Variants in MCTP1 observed in about 807,000 individuals in gnomAD.
The protein encoded by MCTP1 is multiple C2 and transmembrane domain containing 1.
A neutral mutation model predicts 120.6 loss-of-function variants in MCTP1; 69 were observed. That is an observed-to-expected ratio of 0.57 (90% CI 0.47 to 0.70). The LOEUF (loss-of-function observed/expected upper bound fraction) is 0.70, where lower values mean the gene tolerates loss of function less well. Ranked by LOEUF, MCTP1 falls within the 30% of genes least tolerant of loss-of-function variation. MCTP1 has a pLI of 0.00. For missense variants in MCTP1, 1,203 were observed against 1,248.8 expected, an observed-to-expected ratio of 0.96 and a Z score of 0.55; for synonymous variants, 529 against 493.1, an observed-to-expected ratio of 1.07 and a Z score of -0.96.
chr5:94,808,844 G>A (rs4143487), intron 17 of MCTP1, among the ~76,000 whole-genome samples: 32,801 of 151,934 alleles, frequency 0.22, 4,020 homozygotes, highest in African/African-American at 0.32. Flanking sequence ...TTATTTATTG[G>A]TGGTGTTGAA....
Position 95,061,407 on chromosome 5 carries a change from G to GGTTGTTTT in MCTP1, c.721-43924_721-43923insAAAACAAC, listed in dbSNP as rs749862250. Among the ~76,000 whole-genome samples, 8 of 67,882 alleles carry GGTTGTTTT rather than the reference G, an allele frequency of 1.2e-4. No individual in the cohort carries two copies. In the East Asian group the frequency reaches 2.5e-3, roughly 21 times the overall value. 44.5% of individuals were successfully genotyped at this position (67,882 alleles called of 152,430 possible). Reference sequence around the variant, plus strand: ...TATCAATTTTCACAAACCCCTTAAGGGTTTTTTTTTTTTTTTTTTTTTTTT... The same window carrying GGTTGTTTT: ...TATCAATTTTCACAAACCCCTTAAGGGTTGTTTTGTTTTTTTTTTTTTTTTTTTTTTTT... On this transcript the variant is annotated intron_variant, in intron 1 of 22. Transcript: ENST00000515393.
chr5:94,797,545 G>T (rs904753231), intron 18 of MCTP1, among the ~76,000 whole-genome samples: 2 of 152,120 alleles, frequency 1.3e-5, no homozygotes, highest in Non-Finnish European at 2.9e-5. Flanking sequence ...TTTAGGGCTT[G>T]TCTCTTAGTG....
At chr5:95,044,479 G>A (rs1003321611) in intron 1 of MCTP1, among the ~76,000 whole-genome samples, 2 of 152,118 alleles carry the variant, frequency 1.3e-5, no homozygotes, top group African/African-American at 2.4e-5. Context: ...TAGATCAATT[G>A]AGTAGATCAA....
chr5:94,892,540 C>T (rs1319599935), intron 11 of MCTP1, among the ~76,000 whole-genome samples: 1 of 152,138 alleles, frequency 6.6e-6, no homozygotes, highest in Non-Finnish European at 1.5e-5. Context: ...TGGAATTAGC[C>T]ATCTTCTCAG....
intron 17 of MCTP1, among the ~76,000 whole-genome samples, chr5:94,847,366 T>A (rs765944375): frequency 2.4e-4 from 37 of 152,158 alleles, no homozygotes; most frequent in Non-Finnish European, 3.4e-4. Context: ...AAAGTTGATC[T>A]TCCTATGCAG....
At chr5:94,803,803 G>T (rs1781697976) in intron 17 of MCTP1, among the ~76,000 whole-genome samples, 1 of 152,114 alleles carries the variant, frequency 6.6e-6, no homozygotes, top group Non-Finnish European at 1.5e-5. Flanking sequence ...TTTAATTTGT[G>T]GTGACTGAGT....
chr5:94,888,493 C>A (rs915567265), intron 12 of MCTP1, among the ~76,000 whole-genome samples: 10 of 152,056 alleles, frequency 6.6e-5, no homozygotes, highest in African/African-American at 2.2e-4. Context: ...AAATTTTCAG[C>A]AAAATGTGCA....
At chr5:94,999,016 C>T (rs1468982408) in intron 2 of MCTP1, among the ~76,000 whole-genome samples, 1 of 152,122 alleles carries the variant, frequency 6.6e-6, no homozygotes, top group Non-Finnish European at 1.5e-5. Context: ...AAGTTTTGTC[C>T]CTCTTCCTTC....
chr5:95,017,683 G>C (rs1489649773), intron 1 of MCTP1, among the ~76,000 whole-genome samples, 199 bp from the exon 2 acceptor site: 2 of 152,012 alleles, frequency 1.3e-5, no homozygotes, highest in Non-Finnish European at 2.9e-5. Flanking sequence ...TCAAAAACAT[G>C]GCAGTTACAG....
intron 12 of MCTP1, among the ~76,000 whole-genome samples, chr5:94,874,664 T>G (rs1380603561): frequency 6.6e-6 from 1 of 152,090 alleles, no homozygotes; most frequent in African/African-American, 2.4e-5. Context: ...TCCAATCGTC[T>G]TTATCCTCTT....
At chr5:94,981,095 G>A (rs111676348) in intron 2 of MCTP1, among the ~76,000 whole-genome samples, 405 of 152,288 alleles carry the variant, frequency 2.7e-3, no homozygotes, top group African/African-American at 9.3e-3. Flanking sequence ...AAAGCATGGC[G>A]TCACTGATAG....
At chr5:95,266,025 A>G (rs940506280) in intron 1 of MCTP1, among the ~76,000 whole-genome samples, 3 of 152,224 alleles carry the variant, frequency 2.0e-5, no homozygotes, top group African/African-American at 7.2e-5. Flanking sequence ...ACAGAACCCC[A>G]TATTAGCAAG....
In MCTP1 at chr5:95,186,130, G is replaced by A. The variant is rs1013537191; in HGVS notation, c.720+97726C>T. Among the ~76,000 whole-genome samples, 6 of 151,386 alleles carry A rather than the reference G, an allele frequency of 4.0e-5. No individual in the cohort carries two copies. The South Asian group carries it at 6.2e-4, about 16-fold the overall frequency. The stretch of plus-strand genomic sequence containing the variant: ...TACATAAATAAAATAAAAATAAAAC[G>A]TTCAGTTCTAGCCACTGAAATAAGG... On this transcript the variant is annotated intron_variant, in intron 1 of 22. Coordinates refer to ENST00000515393, the MANE Select transcript of MCTP1 (RefSeq NM_024717.7).
At chr5:95,043,111 CAGTG>C (rs1294210723) in intron 1 of MCTP1, among the ~76,000 whole-genome samples, 1 of 152,158 alleles carries the variant, frequency 6.6e-6, no homozygotes, top group Non-Finnish European at 1.5e-5. Flanking sequence ...TTCCTACGGA[CAGTG>C]AGTGAGTTTC....
chr5:95,169,235 A>C (rs942210386), intron 1 of MCTP1, among the ~76,000 whole-genome samples: 1 of 152,250 alleles, frequency 6.6e-6, no homozygotes, highest in Non-Finnish European at 1.5e-5. Context: ...CTTGCAACCC[A>C]CAGAGGAAGC....
chr5:94,992,883 C>G (rs889269236), intron 2 of MCTP1, among the ~76,000 whole-genome samples: 2 of 152,154 alleles, frequency 1.3e-5, no homozygotes, highest in African/African-American at 4.8e-5. Flanking sequence ...TTCTGAAGAA[C>G]TCAACTTAAA....
intron 1 of MCTP1, among the ~76,000 whole-genome samples, chr5:95,190,726 CT>C (rs1048008844): frequency 6.6e-6 from 1 of 151,868 alleles, no homozygotes; most frequent in African/African-American, 2.4e-5. Context: ...AAGAATTCAC[CT>C]AAAACATAAA....
chr5:95,026,135 C>G (rs754894139), intron 1 of MCTP1, among the ~76,000 whole-genome samples: 13 of 151,866 alleles, frequency 8.6e-5, no homozygotes, highest in Non-Finnish European at 1.5e-4. Flanking sequence ...ATGATTGATT[C>G]TTTTAATTTT....
chr5:95,121,061 G>T (rs575320452), intron 1 of MCTP1, among the ~76,000 whole-genome samples: 3 of 152,112 alleles, frequency 2.0e-5, no homozygotes, highest in South Asian at 2.1e-4. Context: ...GGCGGATCAC[G>T]AAGTCAGGAG....
Sources: allele counts gnomAD v4.1 joint callset (sites outside exome capture counted in the v4.1 genomes callset), GRCh38; gene constraint gnomAD v4.1.1; transcripts MANE v1.5; gene names NCBI Gene and HGNC (gene_info 2026-07-23, HGNC 2026-07-21).